The following ANKRD44 variants were observed in gnomAD, a reference collection of about 807,000 sequenced individuals.
ANKRD44 encodes the protein ankyrin repeat domain 44, also known as serine/threonine-protein phosphatase 6 regulatory ankyrin repeat subunit B.
ANKRD44 carries 35 observed loss-of-function variants against 116.0 expected under a neutral mutation model. That is an observed-to-expected ratio of 0.30 (90% CI 0.23 to 0.40). ANKRD44 has a LOEUF of 0.40. Ranked by LOEUF, ANKRD44 falls within the 10% of genes least tolerant of loss-of-function variation. ANKRD44 has a pLI of 1.00. For missense variants in ANKRD44, 1,014 were observed against 1,242.6 expected (o/e 0.82, Z 2.77); for synonymous variants, 435 against 461.8 (o/e 0.94, Z 0.74).
At chr2:197,026,450 T>C (rs2076597029) in intron 16 of ANKRD44, among the ~76,000 whole-genome samples, 1 of 152,162 alleles carries the variant, frequency 6.6e-6, no homozygotes, top group Admixed American at 6.5e-5. Flanking sequence ...TGAGGGAGCC[T>C]TGTGAATATC....
chr2:197,104,606 C>T (rs2078381698), intron 9 of ANKRD44, among the ~76,000 whole-genome samples: 1 of 152,152 alleles, frequency 6.6e-6, no homozygotes, highest in Non-Finnish European at 1.5e-5. Flanking sequence ...ATCTTCCAGG[C>T]CAGGACACTG....
Position 197,125,324 on chromosome 2 carries a change from CATGGCTT to C in ANKRD44, c.550+50_550+56del. The C allele has an allele frequency of 2.7e-6, 4 of 1,460,260 alleles. No individual in the cohort carries two copies. In the South Asian group the frequency reaches 4.6e-5, roughly 17 times the overall value. 90.5% of individuals were successfully genotyped at this position (1,460,260 alleles called of 1,614,324 possible). On this transcript the variant is annotated intron_variant, in intron 6 of 27. Coordinates refer to ENST00000282272, the MANE Select transcript of ANKRD44 (RefSeq NM_001195144.2). ...AAACCTACATGGTCAATGAGAGACC[CATGGCTT>C]ATTTAGTTAAGGTTATCTGTACTTT...
intron 1 of ANKRD44, among the ~76,000 whole-genome samples, chr2:197,301,932 A>G (rs1281008742): frequency 6.6e-6 from 1 of 152,262 alleles, no homozygotes; most frequent in African/African-American, 2.4e-5. Flanking sequence ...AAAGGCAGAC[A>G]GGAAATGTGG....
Position 196,998,072 on chromosome 2 carries a change from AG to A in ANKRD44, c.2748+264del, listed in dbSNP as rs1283358861. ...ATACGATGGCAGCATCAAGACAGAC[AG>A]ACTACAGCAAGAATGCAAGTGGCAA... is the stretch of plus-strand genomic sequence containing the variant. On this transcript the variant is annotated intron_variant, in intron 25 of 27. Coordinates refer to ENST00000282272, the MANE Select transcript of ANKRD44 (RefSeq NM_001195144.2). Among the ~76,000 whole-genome samples the A allele has an allele frequency of 4.9e-5, 6 of 122,032 alleles. No individual in the cohort carries two copies. The South Asian group carries it at 1.0e-3, about 21-fold the overall frequency. The allele number at this position is 122,032 out of a possible 152,430, so 80.1% of individuals were successfully genotyped here. A position where few individuals can be genotyped will look rare whatever the true frequency, so the allele number is the denominator to read the frequency against.
At chr2:197,139,875 T>TGTGC (rs1311912316) in intron 3 of ANKRD44, among the ~76,000 whole-genome samples, 1 of 140,020 alleles carries the variant, frequency 7.1e-6, no homozygotes, top group Non-Finnish European at 1.7e-5. Context: ...TGTGTGTGTG[T>TGTGC]GTGTGTGTGT....
At chr2:197,254,630 C>CACACACAT (rs891597885) in intron 1 of ANKRD44, among the ~76,000 whole-genome samples, 4 of 107,580 alleles carry the variant, frequency 3.7e-5, no homozygotes, top group South Asian at 3.5e-4. Context: ...CACACACACA[C>CACACACAT]ATATATATAT....
intron 1 of ANKRD44, chr2:197,198,974 C>T (rs943267670): frequency 2.6e-5 from 4 of 152,252 alleles, no homozygotes; most frequent in African/African-American, 9.7e-5. Flanking sequence ...ACCGGAAGTT[C>T]TGCAGCACTG....
intron 17 of ANKRD44, among the ~76,000 whole-genome samples, chr2:197,024,297 G>A (rs1272075255): frequency 6.6e-6 from 1 of 152,138 alleles, no homozygotes; most frequent in Non-Finnish European, 1.5e-5. Context: ...ATTCTTCCTG[G>A]TGTCCTGCCC....
chr2:197,164,259 C>T lies in ANKRD44; in HGVS notation c.112-17154G>A, dbSNP rs2080044367. Among the ~76,000 whole-genome samples the T allele has an allele frequency of 2.6e-5, 4 of 152,292 alleles. No individual in the cohort carries two copies. In the South Asian group the frequency reaches 8.3e-4, roughly 32 times the overall value. ...CGGGAGGCCTGGCCTCTGACACCGC[C>T]GGCTGCGTCTGGGTAGCAAGACCCC... On this transcript the variant is annotated intron_variant, in intron 2 of 27. Transcript: ENST00000282272.
At chr2:197,188,863 A>G (rs944929847) in intron 1 of ANKRD44, among the ~76,000 whole-genome samples, 4 of 152,170 alleles carry the variant, frequency 2.6e-5, no homozygotes, top group African/African-American at 9.7e-5. Context: ...GCCTATTAAA[A>G]AAAATAGTCC....
intron 9 of ANKRD44, among the ~76,000 whole-genome samples, chr2:197,104,904 A>G (rs573217671): frequency 6.6e-6 from 1 of 152,310 alleles, no homozygotes; most frequent in African/African-American, 2.4e-5. Context: ...TACTCTCAAG[A>G]CTTCTGTGTG....
At chr2:197,179,949 T>C (rs1465221592) in intron 2 of ANKRD44, among the ~76,000 whole-genome samples, 1 of 151,760 alleles carries the variant, frequency 6.6e-6, no homozygotes, top group Non-Finnish European at 1.5e-5. Context: ...TGGATGAGAG[T>C]GGATGGGGAG....
chr2:197,126,904 G>T (rs1047787329), intron 4 of ANKRD44, among the ~76,000 whole-genome samples: 9 of 152,020 alleles, frequency 5.9e-5, no homozygotes, highest in African/African-American at 2.2e-4. Flanking sequence ...AGCATCACTT[G>T]AGCTCAGGAG....
chr2:197,099,294 C>T lies in ANKRD44; in HGVS notation c.1100+522G>A, dbSNP rs150773828. Reference sequence around the variant, plus strand: ...GGGCCCTGAACAAAATTATGAGCGCCTTGAAACTAGGTAACTTACATCTTC... The same window carrying T: ...GGGCCCTGAACAAAATTATGAGCGCTTTGAAACTAGGTAACTTACATCTTC... On this transcript the variant is annotated intron_variant, in intron 10 of 27. Coordinates refer to ENST00000282272, the MANE Select transcript of ANKRD44 (RefSeq NM_001195144.2). 3.3e-4 allele frequency among the ~76,000 whole-genome samples: 50 copies of T among 152,230 alleles called. No individual in the cohort carries two copies. In the East Asian group the frequency reaches 8.9e-3, roughly 27 times the overall value.
chr2:197,260,525 T>G (rs2082573324), intron 1 of ANKRD44, among the ~76,000 whole-genome samples: 1 of 152,124 alleles, frequency 6.6e-6, no homozygotes. Context: ...CTATTGTGAA[T>G]AGTGCCGCTA....
intron 21 of ANKRD44, among the ~76,000 whole-genome samples, chr2:197,003,204 G>A (rs375718607): frequency 5.9e-5 from 9 of 151,902 alleles, no homozygotes; most frequent in East Asian, 1.9e-4. Context: ...CCAGCTACTC[G>A]GGAGGCTGAG....
At chr2:197,278,576 G>A (rs992906122) in intron 1 of ANKRD44, among the ~76,000 whole-genome samples, 2 of 152,076 alleles carry the variant, frequency 1.3e-5, no homozygotes, top group African/African-American at 2.4e-5. Flanking sequence ...TCAAACTGCT[G>A]GCCTCAACCT....
At chr2:197,065,226 G>A (rs1160868717) in intron 16 of ANKRD44, among the ~76,000 whole-genome samples, 1 of 152,148 alleles carries the variant, frequency 6.6e-6, no homozygotes, top group Non-Finnish European at 1.5e-5. Context: ...CGAAATGAAG[G>A]CAGAAATAAA....
At chr2:197,043,670 A>T (rs569721257) in intron 16 of ANKRD44, among the ~76,000 whole-genome samples, 3 of 152,208 alleles carry the variant, frequency 2.0e-5, no homozygotes, top group Non-Finnish European at 4.4e-5. Context: ...TGTTCCATTT[A>T]AAAAACAGGT....
Sources: allele counts gnomAD v4.1 joint callset (sites outside exome capture counted in the v4.1 genomes callset), GRCh38; gene constraint gnomAD v4.1.1; transcripts MANE v1.5; gene names NCBI Gene and HGNC (gene_info 2026-07-23, HGNC 2026-07-21).